Variants in ANK2 observed in about 807,000 individuals in gnomAD.
The protein encoded by ANK2 is ankyrin-2.
A neutral mutation model predicts 360.5 loss-of-function variants in ANK2; 83 were observed. The observed-to-expected ratio is 0.23, with a 90% CI of 0.19 to 0.28. The LOEUF (loss-of-function observed/expected upper bound fraction) is 0.28, where lower values mean the gene tolerates loss of function less well. ANK2 is among the 10% of genes least tolerant of loss of function. The pLI is 1.00. For synonymous variants in ANK2, 1,740 were observed against 1,759.5 expected, an observed-to-expected ratio of 0.99 and a Z score of 0.28; for missense variants, 4,201 against 4,795.7, an observed-to-expected ratio of 0.88 and a Z score of 3.66.
At chr4:112,815,296 T>G (rs535811944), upstream of ANK2, among the ~76,000 whole-genome samples, 1 of 152,306 alleles carries the variant, frequency 6.6e-6, no homozygotes, top group Admixed American at 6.5e-5. Flanking sequence ...TATAAACCCA[T>G]CGAATATCAT....
the ANK2 span, among the ~76,000 whole-genome samples, chr4:112,800,981 A>G: frequency 6.6e-6 from 1 of 152,094 alleles, no homozygotes; most frequent in African/African-American, 2.4e-5. Context: ...ATGAAGTAAT[A>G]AAATTGAGCT....
chr4:113,156,173 T>A lies in ANK2; in HGVS notation c.85-18243T>A, dbSNP rs75527861. Among the ~76,000 whole-genome samples, 585 of 152,278 alleles carry A rather than the reference T, an allele frequency of 3.8e-3. 3 individuals carry two copies. The highest frequency in any genetic ancestry group is 0.013 in the African/African-American group (558 of 41,548). On this transcript the variant is annotated intron_variant, in intron 1 of 45. Coordinates refer to ENST00000357077, the MANE Select transcript of ANK2 (RefSeq NM_001148.6). ...ATTAAAGGCACCAGTTCTGTACAAA[T>A]GTTTGGGAAATGCTAAAAACAATGA...
At chr4:112,966,324 CTT>C (rs1382143268) in intron 2 of ANK2, among the ~76,000 whole-genome samples, 2 of 151,560 alleles carry the variant, frequency 1.3e-5, no homozygotes, top group Non-Finnish European at 3.0e-5. Context: ...GAGCATAACT[CTT>C]TTAATATATA....
In ANK2 at chr4:112,830,903, G is replaced by A. The variant is rs557826417; in HGVS notation, c.-40+12639G>A. ...GCTTGGTGGGCCCTGCACTCAGAAC[G>A]GCTGGCTGGAGCCACCAGCCCCAGG... On this transcript the variant is annotated intron_variant, in intron 1 of 30. Transcript: ENST00000503271. 7.9e-5 allele frequency among the ~76,000 whole-genome samples: 12 copies of A among 152,314 alleles called. No homozygotes were observed. In the East Asian group the frequency reaches 1.2e-3, roughly 15 times the overall value.
intron 45 of ANK2, chr4:113,378,236 A>G (rs2097030397): frequency 1.1e-6 from 1 of 883,038 alleles, no homozygotes; most frequent in Admixed American, 2.9e-5. Flanking sequence ...AAATTTTTCC[A>G]ATTTTAAGAA....
At chr4:113,276,920 C>T (rs950505846) in intron 15 of ANK2, among the ~76,000 whole-genome samples, 1 of 152,104 alleles carries the variant, frequency 6.6e-6, no homozygotes, top group Non-Finnish European at 1.5e-5. Flanking sequence ...GTTAGAATTC[C>T]CCCACTCCCA....
chr4:112,906,867 A>T lies in ANK2; in HGVS notation c.21+2353A>T, dbSNP rs149544463. ...ATTTGTAGTATCATCAAACTCCTTA[A>T]ATTTATAAGTGTATTATGTACATGA... On this transcript the variant is annotated intron_variant, in intron 2 of 30. Coordinates refer to the ANK2 transcript ENST00000503271. 5.4e-3 allele frequency among the ~76,000 whole-genome samples: 818 copies of T among 152,210 alleles called. 12 individuals carry two copies. Among genetic ancestry groups the T allele is most frequent in the Admixed American group, 0.012 (188 of 15,276 alleles).
At chr4:112,867,823 CCCA>C (rs1247078954) in intron 1 of ANK2, among the ~76,000 whole-genome samples, 1 of 151,956 alleles carries the variant, frequency 6.6e-6, no homozygotes, top group South Asian at 2.1e-4. Flanking sequence ...TTGGATTGTT[CCCA>C]CTTTTTGACT....
chr4:112,780,570 T>C, the ANK2 span, among the ~76,000 whole-genome samples: 13 of 152,270 alleles, frequency 8.5e-5, no homozygotes, highest in Non-Finnish European at 1.5e-4. Flanking sequence ...CAATAGCATA[T>C]AATTATTGGA....
intron 1 of ANK2, among the ~76,000 whole-genome samples, chr4:113,073,117 A>G (rs909335097): frequency 4.0e-5 from 6 of 151,542 alleles, no homozygotes; most frequent in Non-Finnish European, 8.8e-5. Context: ...GCCCACCACC[A>G]TGCCTGGCTA....
chr4:113,273,579 C>T (rs1406501890), intron 14 of ANK2, among the ~76,000 whole-genome samples: 3 of 152,200 alleles, frequency 2.0e-5, no homozygotes, highest in Non-Finnish European at 4.4e-5. Flanking sequence ...GTTTTCCCTT[C>T]CTCACTTTTA....
In ANK2 at chr4:112,982,430, G is replaced by A. The variant is rs780497487; in HGVS notation, c.21+77916G>A. Among the ~76,000 whole-genome samples the A allele has an allele frequency of 5.3e-5, 8 of 151,976 alleles. 1 individual carries two copies. The highest frequency in any genetic ancestry group is 2.6e-4 in the Admixed American group (4 of 15,258). ...TTTAGCCAATTCTGAACATCCACTC[G>A]GTAGCATAAGCAGATAATTGTTCTC... On this transcript the variant is annotated intron_variant, in intron 2 of 30. Coordinates refer to the ANK2 transcript ENST00000503271.
chr4:112,822,455 C>A (rs1291337349), intron 1 of ANK2, among the ~76,000 whole-genome samples: 24 of 148,720 alleles, frequency 1.6e-4, no homozygotes, highest in African/African-American at 5.7e-4. Flanking sequence ...CAACAAAAAA[C>A]CATTTCAGGC....
At chr4:113,252,561 T>C (rs150948756) in intron 10 of ANK2, among the ~76,000 whole-genome samples, 1 of 152,262 alleles carries the variant, frequency 6.6e-6, no homozygotes, top group East Asian at 1.9e-4. Flanking sequence ...CTCAGTTAGG[T>C]AACTCTAAAC....
intron 1 of ANK2, among the ~76,000 whole-genome samples, chr4:113,117,919 G>A (rs959592922): frequency 2.0e-5 from 3 of 152,168 alleles, no homozygotes; most frequent in African/African-American, 7.2e-5. Context: ...GTTTACACCC[G>A]GTTTTCACTT....
At chr4:113,206,637 G>A (rs1373187014) in intron 4 of ANK2, among the ~76,000 whole-genome samples, 2 of 143,772 alleles carry the variant, frequency 1.4e-5, no homozygotes, top group Non-Finnish European at 3.0e-5. Context: ...AATTTGCAGG[G>A]GCATCTGTGC....
At chr4:113,088,663 A>C (rs995113323) in intron 1 of ANK2, among the ~76,000 whole-genome samples, 9 of 152,244 alleles carry the variant, frequency 5.9e-5, no homozygotes, top group African/African-American at 2.2e-4. Flanking sequence ...AACAGAAATC[A>C]AATGACTGGA....
At chr4:112,784,058 T>C in the ANK2 span, among the ~76,000 whole-genome samples, 1 of 152,236 alleles carries the variant, frequency 6.6e-6, no homozygotes, top group Non-Finnish European at 1.5e-5. Context: ...TATCCATTCA[T>C]GGTATGAGTA....
intron 1 of ANK2, among the ~76,000 whole-genome samples, chr4:112,859,126 A>C (rs2067204862): frequency 6.6e-6 from 1 of 152,200 alleles, no homozygotes; most frequent in Non-Finnish European, 1.5e-5. Context: ...TTACATCAAA[A>C]GGAGATTAAA....
Sources: gnomAD v4.1 joint callset for allele counts (sites outside exome capture counted in the v4.1 genomes callset) on GRCh38, gnomAD v4.1.1 for gene constraint, MANE v1.5 for transcripts, NCBI Gene and HGNC (gene_info 2026-07-23, HGNC 2026-07-21) for gene names.